HSD11B1: variants seen among roughly 807,000 people sequenced by gnomAD.
HSD11B1 encodes the protein hydroxysteroid 11-beta dehydrogenase 1, also known as 11-beta-hydroxysteroid dehydrogenase 1.
Under a neutral mutation model 22.1 loss-of-function variants are expected in HSD11B1, and 15 were observed. The ratio of observed to expected loss-of-function variants is 0.68; its 90% CI spans 0.45 to 1.04. The LOEUF (loss-of-function observed/expected upper bound fraction) is 1.04. HSD11B1 is among the 50% of genes least tolerant of loss of function. HSD11B1 has a pLI of 0.00. For missense variants in HSD11B1, 281 were observed against 357.6 expected (o/e 0.79, Z 1.73); for synonymous variants, 122 against 125.2 (o/e 0.97, Z 0.17).
At chr1:209,717,623 A>T (rs1297162850) in intron 4 of HSD11B1, among the ~76,000 whole-genome samples, 1 of 152,180 alleles carries the variant, frequency 6.6e-6, no homozygotes, top group African/African-American at 2.4e-5. Flanking sequence ...TGGGAGGCCA[A>T]GGTGGACAGA....
intron 4 of HSD11B1, among the ~76,000 whole-genome samples, chr1:209,715,029 G>C (rs1046603156): frequency 3.3e-5 from 5 of 152,192 alleles, no homozygotes; most frequent in Non-Finnish European, 1.5e-5. Flanking sequence ...CCGACATAGG[G>C]TAAAGAAGGC....
At chr1:209,711,367 G>A (rs17015053) in intron 4 of HSD11B1, among the ~76,000 whole-genome samples, 14,602 of 152,130 alleles carry the variant, frequency 0.096, 2,120 homozygotes, top group African/African-American at 0.31. Context: ...GATTATGAAC[G>A]GGCCTCAGAA....
At chr1:209,716,068 C>T (rs779937049) in intron 4 of HSD11B1, among the ~76,000 whole-genome samples, 12 of 152,050 alleles carry the variant, frequency 7.9e-5, no homozygotes, top group Non-Finnish European at 1.8e-4. Flanking sequence ...CAACACAGTA[C>T]GAGAAGTCCT....
rs375487846 is a variant in HSD11B1, at chr1:209,722,001, G to A, written c.518-10435G>A. 9.9e-5 allele frequency among the ~76,000 whole-genome samples: 15 copies of A among 152,268 alleles called. No individual in the cohort carries two copies. The South Asian group carries it at 2.9e-3, about 29-fold the overall frequency. On this transcript the variant is annotated intron_variant, in intron 4 of 5. Transcript: ENST00000367027. ...GATGAAACTGCCCTGAGCGTCGGTG[G>A]ATATAGACACAGGACATTGAGAACT...
intron 1 of HSD11B1, among the ~76,000 whole-genome samples, chr1:209,688,208 A>C (rs1177743459): frequency 6.6e-6 from 1 of 152,128 alleles, no homozygotes; most frequent in African/African-American, 2.4e-5. Context: ...CATGCTTTCT[A>C]GACTTCTTGC....
At chr1:209,722,984 T>A (rs2076976028) in intron 4 of HSD11B1, among the ~76,000 whole-genome samples, 1 of 152,186 alleles carries the variant, frequency 6.6e-6, no homozygotes, top group Non-Finnish European at 1.5e-5. Context: ...CTAATAAGCC[T>A]CAGTGCATGG....
chr1:209,734,005 C>T (rs1030915033), intron 5 of HSD11B1, among the ~76,000 whole-genome samples: 3 of 152,136 alleles, frequency 2.0e-5, no homozygotes, highest in Admixed American at 1.3e-4. Flanking sequence ...ATTACTTCTC[C>T]GCCTCCAACC....
At chr1:209,699,119 AG>A (rs1233476348) in intron 1 of HSD11B1, among the ~76,000 whole-genome samples, 1 of 151,778 alleles carries the variant, frequency 6.6e-6, no homozygotes, top group Non-Finnish European at 1.5e-5. Context: ...GAGGAAGGGA[AG>A]GAGGAGGGAG....
chr1:209,719,090 T>TCACAGGAACAGTATTTGTAATAGCAAAA (rs1305194441), intron 4 of HSD11B1, among the ~76,000 whole-genome samples: 7 of 151,810 alleles, frequency 4.6e-5, no homozygotes, highest in African/African-American at 1.5e-4. Context: ...ATATCCATGT[T>TCACAGGAACAGTATTTGTAATAGCAAAA]CACAGGAACA....
At chr1:209,705,731 G>C in intron 1 of HSD11B1, 80 bp from the exon 2 acceptor site, 1 of 1,566,632 alleles carries the variant, frequency 6.4e-7, no homozygotes, top group Non-Finnish European at 8.8e-7. Flanking sequence ...ATTGCGATAA[G>C]CATGCCTATA....
rs35932418 is a variant in HSD11B1 at position 209,705,839 on chromosome 1, C to T, written c.117C>T (p.Val39=). The change falls in exon 2 of 6, where the codon GTC becomes GTT. Residue 39 remains valine (V), a synonymous_variant. Coordinates refer to ENST00000367027, the MANE Select transcript of HSD11B1 (RefSeq NM_005525.4). ...TGCTCCAAGGAAAGAAAGTGATTGT[C>T]ACAGGGGCCAGCAAAGGGATCGGAA... ...PEMLQGKKVI[V]TGASKGIGRE... The T allele has an allele frequency of 3.2e-4, 520 of 1,613,952 alleles. 3 individuals carry two copies. In the African/African-American group the frequency reaches 6.2e-3, roughly 19 times the overall value.
At chr1:209,698,510 G>T (rs2076806830) in intron 1 of HSD11B1, among the ~76,000 whole-genome samples, 1 of 152,208 alleles carries the variant, frequency 6.6e-6, no homozygotes, top group Non-Finnish European at 1.5e-5. Context: ...CCAAAGCCCT[G>T]TGGTGGTCAT....
intron 4 of HSD11B1, among the ~76,000 whole-genome samples, chr1:209,723,777 G>A (rs1158595290): frequency 1.3e-5 from 2 of 152,198 alleles, no homozygotes; most frequent in African/African-American, 2.4e-5. Context: ...CAGGGAAGAG[G>A]ATAAGGAGTA....
Position 209,705,881 on chromosome 1 carries a change from T to G in HSD11B1, c.159T>G (p.His53Gln). 6.2e-7 allele frequency: 1 copy of G among 1,614,000 alleles called. No individual in the cohort carries two copies. Among genetic ancestry groups the G allele is most frequent in the East Asian group, 2.2e-5 (1 of 44,860 alleles). The change falls in exon 2 of 6, where the codon CAT becomes CAG. Residue 53 changes from histidine to glutamine, a missense_variant. Physicochemically the swap from His to Gln is conservative, Grantham distance 24. Coordinates refer to ENST00000367027, the MANE Select transcript of HSD11B1 (RefSeq NM_005525.4). The stretch of plus-strand genomic sequence containing the variant: ...GGATCGGAAGAGAGATGGCTTATCA[T>G]CTGGCGAAGATGGGAGCCCATGTGG... ...SKGIGREMAY[H>Q]LAKMGAHVVV...
Position 209,734,706 on chromosome 1 carries a change from T to C in HSD11B1, c.*185T>C, listed in dbSNP as rs1340915123. The C allele has an allele frequency of 5.1e-6, 3 of 592,418 alleles. No individual in the cohort carries two copies. The highest frequency in any genetic ancestry group is 3.0e-6 in the Non-Finnish European group (1 of 328,510). 36.7% of individuals were successfully genotyped at this position (592,418 alleles called of 1,614,324 possible). A position where few individuals can be genotyped will look rare whatever the true frequency, so the allele number is the denominator to read the frequency against. ...AAAATGGAAATGTAATAATAATGAA[T>C]GTCATGCACCGCTGCAGCCAGCAGT... On this transcript the variant is annotated 3_prime_UTR_variant, in exon 6 of 6. Transcript: ENST00000367027.
chr1:209,730,198 A>G lies in HSD11B1; in HGVS notation c.518-2238A>G, dbSNP rs1206455559. Among the ~76,000 whole-genome samples, 3 of 152,372 alleles carry G rather than the reference A, an allele frequency of 2.0e-5. No homozygotes were observed. The East Asian group carries it at 5.8e-4, about 29-fold the overall frequency. On this transcript the variant is annotated intron_variant, in intron 4 of 5. Transcript: ENST00000367027. ...AGAAAGAAGTCAAAAACCTCACTGC[A>G]ACTTAACAAAGAGAGATTCCTTCTT...
intron 1 of HSD11B1, among the ~76,000 whole-genome samples, 177 bp from the exon 2 acceptor site, chr1:209,705,634 C>T (rs1488068509): frequency 6.6e-6 from 1 of 152,188 alleles, no homozygotes; most frequent in Middle Eastern, 3.2e-3. Context: ...CACTTCAGAG[C>T]ATGTTTATGA....
chr1:209,699,268 G>T (rs1006654658), intron 1 of HSD11B1, among the ~76,000 whole-genome samples: 24 of 152,110 alleles, frequency 1.6e-4, no homozygotes, highest in African/African-American at 5.1e-4. Context: ...ATGCGTTATT[G>T]TATTAGTTCA....
In HSD11B1 at chr1:209,687,788, T is replaced by C. The variant is rs566002382; in HGVS notation, c.-49+1503T>C. Among the ~76,000 whole-genome samples the C allele has an allele frequency of 4.1e-4, 62 of 152,332 alleles. 2 individuals are homozygous for C. The South Asian group carries it at 0.013, about 32-fold the overall frequency. The stretch of plus-strand genomic sequence containing the variant: ...ATTCAGTTAAAAGATGCTCAAGTAA[T>C]CTTTCCCTGGCAGAAATAGAAAGAA... On this transcript the variant is annotated intron_variant, in intron 1 of 6. Transcript: ENST00000261465.
Sources: allele counts gnomAD v4.1 joint callset (sites outside exome capture counted in the v4.1 genomes callset), GRCh38; gene constraint gnomAD v4.1.1; transcripts MANE v1.5; gene names NCBI Gene and HGNC (gene_info 2026-07-23, HGNC 2026-07-21).